The following GTF2B variants were observed in gnomAD, a reference collection of about 807,000 sequenced individuals.
The protein encoded by GTF2B is transcription initiation factor IIB.
Under a neutral mutation model 34.6 loss-of-function variants are expected in GTF2B, and 20 were observed. The ratio of observed to expected loss-of-function variants is 0.58; its 90% confidence interval spans 0.41 to 0.84. GTF2B has a LOEUF of 0.84. Among genes scored for constraint, GTF2B ranks in the 40% least tolerant of loss-of-function variants. The pLI is 0.00. For missense variants in GTF2B, 237 were observed against 393.3 expected, an observed-to-expected ratio of 0.60 and a Z score of 3.36; for synonymous variants, 142 against 132.4, an observed-to-expected ratio of 1.07 and a Z score of -0.50.
At chr1:88,883,900 C>T (rs1014273645) in intron 2 of GTF2B, among the ~76,000 whole-genome samples, 1 of 152,096 alleles carries the variant, frequency 6.6e-6, no homozygotes, top group Non-Finnish European at 1.5e-5. Flanking sequence ...TAAATCTTAG[C>T]AGATTCCACC....
At chr1:88,879,556 A>G (rs1037574758) in intron 2 of GTF2B, among the ~76,000 whole-genome samples, 3 of 149,572 alleles carry the variant, frequency 2.0e-5, no homozygotes, top group African/African-American at 7.4e-5. Flanking sequence ...TGCACTCCAG[A>G]CTGGGCAACA....
intron 6 of GTF2B, among the ~76,000 whole-genome samples, chr1:88,855,956 T>C (rs780974856): frequency 1.8e-4 from 28 of 152,160 alleles, no homozygotes; most frequent in African/African-American, 4.8e-4. Flanking sequence ...TAGAAAGGAG[T>C]AGTCACTTCT....
intron 2 of GTF2B, among the ~76,000 whole-genome samples, chr1:88,877,468 G>A (rs938712852): frequency 6.6e-6 from 1 of 152,180 alleles, no homozygotes; most frequent in African/African-American, 2.4e-5. Context: ...AGGTTACTAA[G>A]CTAATACTTT....
chr1:88,856,276 A>AAAAAAC (rs1673304906), intron 6 of GTF2B, among the ~76,000 whole-genome samples: 4 of 127,894 alleles, frequency 3.1e-5, no homozygotes, highest in African/African-American at 6.2e-5. Context: ...CAAAAACAAA[A>AAAAAAC]AAAAAAAAAA....
chr1:88,871,152 T>C lies in GTF2B; in HGVS notation c.125-7038A>G, dbSNP rs557247145. On this transcript the variant is annotated intron_variant, in intron 2 of 6. Coordinates refer to ENST00000370500, the MANE Select transcript of GTF2B (RefSeq NM_001514.6). ...CCTGGCCTCATGTTATCCGCAAACA[T>C]TGGCCTCCCAAAGTGCTGGGATTAC... Among the ~76,000 whole-genome samples, 13 of 152,318 alleles carry C rather than the reference T, an allele frequency of 8.5e-5. No homozygotes were observed. In the South Asian group the frequency reaches 1.0e-3, roughly 12 times the overall value.
intron 5 of GTF2B, among the ~76,000 whole-genome samples, chr1:88,859,244 CAAATGTATAA>C (rs539512867): frequency 8.3e-4 from 126 of 152,128 alleles, no homozygotes; most frequent in African/African-American, 2.8e-3. Flanking sequence ...CCATGTAAAC[CAAATGTATAA>C]ACGGCCTACT....
At chr1:88,862,883 C>A (rs559524395) in intron 3 of GTF2B, among the ~76,000 whole-genome samples, 37 of 152,076 alleles carry the variant, frequency 2.4e-4, no homozygotes, top group African/African-American at 8.9e-4. Context: ...TCTCCACCCA[C>A]CTCGGCCTCC....
intron 6 of GTF2B, among the ~76,000 whole-genome samples, chr1:88,856,291 C>CAAAAAAAAAAA (rs1162915523): frequency 5.8e-5 from 5 of 86,138 alleles, no homozygotes; most frequent in Non-Finnish European, 1.1e-4. Context: ...AAAAAAAAAA[C>CAAAAAAAAAAA]AAAAAAAAAA....
intron 2 of GTF2B, among the ~76,000 whole-genome samples, chr1:88,870,810 T>C (rs1673674000): frequency 6.6e-6 from 1 of 152,126 alleles, no homozygotes; most frequent in Non-Finnish European, 1.5e-5. Context: ...AAAGCATTAT[T>C]CTACTCTAAG....
intron 3 of GTF2B, among the ~76,000 whole-genome samples, chr1:88,862,675 G>T (rs1398823565): frequency 6.6e-6 from 1 of 152,144 alleles, no homozygotes; most frequent in African/African-American, 2.4e-5. Flanking sequence ...GTGTCACTCT[G>T]TTGCCCAGGC....
intron 2 of GTF2B, among the ~76,000 whole-genome samples, chr1:88,884,561 C>T (rs1674021182): frequency 6.6e-6 from 1 of 152,190 alleles, no homozygotes; most frequent in South Asian, 2.1e-4. Context: ...TATGAATTAA[C>T]CTATCATTGG....
Position 88,857,202 on chromosome 1 carries a change from C to T in GTF2B, c.817+4G>A. 3 of 1,602,516 alleles carry T rather than the reference C, an allele frequency of 1.9e-6. No homozygotes were observed. Among genetic ancestry groups the T allele is most frequent in the African/African-American group, 1.3e-5 (1 of 74,454 alleles). ...CTGCCACACTTCCTGATGACGAACC[C>T]TACCTTTTTGGGTCCTCTTTTCAGC... On this transcript the variant is annotated splice_donor_region_variant and intron_variant, in intron 6 of 6. Coordinates refer to ENST00000370500, the MANE Select transcript of GTF2B (RefSeq NM_001514.6).
intron 2 of GTF2B, among the ~76,000 whole-genome samples, chr1:88,870,173 G>C (rs575993865): frequency 6.6e-6 from 1 of 151,970 alleles, no homozygotes; most frequent in Non-Finnish European, 1.5e-5. Flanking sequence ...TGATCCACCC[G>C]CCTTGGCCTC....
chr1:88,867,712 T>C (rs1173477832), intron 2 of GTF2B, among the ~76,000 whole-genome samples: 1 of 152,234 alleles, frequency 6.6e-6, no homozygotes, highest in Non-Finnish European at 1.5e-5. Context: ...GATGCTTCAT[T>C]TCATAGCATT....
At chr1:88,864,224 C>T (rs1673500636) in intron 2 of GTF2B, 110 bp from the exon 3 acceptor site, 2 of 876,414 alleles carry the variant, frequency 2.3e-6, no homozygotes, top group Admixed American at 4.0e-5. Flanking sequence ...TCAACATGGA[C>T]ATCTAGGACC....
chr1:88,859,067 C>T (rs1200541437), intron 5 of GTF2B, among the ~76,000 whole-genome samples: 2 of 152,056 alleles, frequency 1.3e-5, no homozygotes, highest in East Asian at 3.9e-4. Context: ...GGGGTTTCAC[C>T]ATATTGGCCA....
rs1673498837 is a variant in GTF2B at position 88,864,118 on chromosome 1, A to G, written c.125-4T>C. 1 of 1,613,684 alleles carries G rather than the reference A, an allele frequency of 6.2e-7. No individual in the cohort carries two copies. Among genetic ancestry groups the G allele is most frequent in the Admixed American group, 1.7e-5 (1 of 60,012 alleles). ...CCCACATCAATAACCCGGTCACCTA[A>G]GAATATAAGCACATATCTGAATCAT... On this transcript the variant is annotated splice_region_variant and splice_polypyrimidine_tract_variant and intron_variant, in intron 2 of 6. Coordinates refer to ENST00000370500, the MANE Select transcript of GTF2B (RefSeq NM_001514.6).
At chr1:88,871,517 A>G (rs905960433) in intron 2 of GTF2B, among the ~76,000 whole-genome samples, 2 of 152,178 alleles carry the variant, frequency 1.3e-5, no homozygotes, top group African/African-American at 2.4e-5. Context: ...CAAAAGTGAC[A>G]GTAACATTTC....
intron 2 of GTF2B, among the ~76,000 whole-genome samples, chr1:88,883,954 A>G (rs533411531): frequency 1.4e-5 from 2 of 147,558 alleles, no homozygotes; most frequent in South Asian, 4.2e-4. Context: ...CTTTGAAGCT[A>G]TTTTCTCCTA....
Sources: gnomAD v4.1 joint callset for allele counts (sites outside exome capture counted in the v4.1 genomes callset) on GRCh38, gnomAD v4.1.1 for gene constraint, MANE v1.5 for transcripts, NCBI Gene and HGNC (gene_info 2026-07-23, HGNC 2026-07-21) for gene names.